CNTNAP2: variants seen among roughly 807,000 people sequenced by gnomAD.
The protein encoded by CNTNAP2 is contactin associated protein 2, also known as contactin-associated protein-like 2.
A neutral mutation model predicts 155.2 loss-of-function variants in CNTNAP2; 98 were observed. That is an observed-to-expected ratio of 0.63 (90% confidence interval 0.54 to 0.75). The LOEUF is 0.75. CNTNAP2 is among the 30% of genes least tolerant of loss of function. The pLI is 0.00. For missense variants in CNTNAP2, 1,727 were observed against 1,688.1 expected, an observed-to-expected ratio of 1.02 and a Z score of -0.40; for synonymous variants, 651 against 631.2, an observed-to-expected ratio of 1.03 and a Z score of -0.47.
At chr7:146,262,327 A>G (rs1799930433) in intron 1 of CNTNAP2, among the ~76,000 whole-genome samples, 1 of 152,064 alleles carries the variant, frequency 6.6e-6, no homozygotes, top group South Asian at 2.1e-4. Flanking sequence ...GCCCCCCTCA[A>G]TTGCACGTTA....
intron 1 of CNTNAP2, among the ~76,000 whole-genome samples, chr7:146,568,119 A>ATT (rs1225270287): frequency 2.0e-5 from 3 of 152,184 alleles, no homozygotes; most frequent in Non-Finnish European, 1.5e-5. Context: ...AGGTGATTGG[A>ATT]TAGATCCACC....
intron 9 of CNTNAP2, among the ~76,000 whole-genome samples, chr7:147,384,768 T>A (rs975132058): frequency 4.6e-5 from 7 of 152,174 alleles, no homozygotes; most frequent in Non-Finnish European, 8.8e-5. Flanking sequence ...ATACAAATAG[T>A]TTTTATTTTG....
chr7:146,924,177 C>T (rs1414499139), intron 3 of CNTNAP2, among the ~76,000 whole-genome samples: 1 of 152,086 alleles, frequency 6.6e-6, no homozygotes, highest in Non-Finnish European at 1.5e-5. Flanking sequence ...GACACTCAGG[C>T]CTTGTCAGGT....
chr7:147,732,262 C>A (rs1796755857), intron 13 of CNTNAP2, among the ~76,000 whole-genome samples: 1 of 141,444 alleles, frequency 7.1e-6, no homozygotes, highest in Non-Finnish European at 1.5e-5. Context: ...TGTTCAATTC[C>A]CACCTATAAA....
chr7:146,846,835 T>C (rs1803850614), intron 3 of CNTNAP2, among the ~76,000 whole-genome samples: 1 of 152,302 alleles, frequency 6.6e-6, no homozygotes, highest in African/African-American at 2.4e-5. Context: ...TCTTACAGGC[T>C]GTAAAATAAC....
At chr7:148,128,929 C>G (rs1804769718) in intron 16 of CNTNAP2, among the ~76,000 whole-genome samples, 1 of 152,196 alleles carries the variant, frequency 6.6e-6, no homozygotes, top group Non-Finnish European at 1.5e-5. Context: ...TAACCGCAGT[C>G]TCTCCACATC....
intron 2 of CNTNAP2, among the ~76,000 whole-genome samples, chr7:146,825,348 G>T (rs1410318483): frequency 6.6e-6 from 1 of 152,072 alleles, no homozygotes; most frequent in African/African-American, 2.4e-5. Context: ...ATGAACTTGA[G>T]AACTGCATTC....
chr7:148,081,867 C>T (rs1311842095), intron 15 of CNTNAP2, among the ~76,000 whole-genome samples: 3 of 151,898 alleles, frequency 2.0e-5, no homozygotes, highest in Admixed American at 1.3e-4. Context: ...AGTGGGCTTG[C>T]GAGAGCAAGA....
At chr7:146,504,337 G>A (rs1047899084) in intron 1 of CNTNAP2, among the ~76,000 whole-genome samples, 6 of 152,172 alleles carry the variant, frequency 3.9e-5, no homozygotes, top group Admixed American at 3.9e-4. Flanking sequence ...CATGTCTATG[G>A]GGGGTCATCA....
At chr7:148,242,630 A>G (rs1796180079) in intron 20 of CNTNAP2, among the ~76,000 whole-genome samples, 1 of 152,238 alleles carries the variant, frequency 6.6e-6, no homozygotes, top group South Asian at 2.1e-4. Flanking sequence ...TATTACTTAT[A>G]GAAATGGAAG....
At chr7:147,735,660 T>C (rs532058628) in intron 13 of CNTNAP2, among the ~76,000 whole-genome samples, 1 of 152,292 alleles carries the variant, frequency 6.6e-6, no homozygotes, top group South Asian at 2.1e-4. Context: ...GGAGTCTAAG[T>C]CTCTTTGTAG....
At chr7:147,052,235 G>A (rs964405157) in intron 4 of CNTNAP2, among the ~76,000 whole-genome samples, 2 of 151,930 alleles carry the variant, frequency 1.3e-5, no homozygotes, top group African/African-American at 2.4e-5. Context: ...TATTTCCAAT[G>A]GAATATTTAA....
chr7:147,362,571 T>C (rs1796163771), intron 9 of CNTNAP2, among the ~76,000 whole-genome samples: 2 of 152,276 alleles, frequency 1.3e-5, no homozygotes, highest in African/African-American at 4.8e-5. Flanking sequence ...TATTGAGGCA[T>C]TTGTAGCTAT....
At chr7:146,755,914 A>C (rs1051024415) in intron 1 of CNTNAP2, among the ~76,000 whole-genome samples, 1 of 151,896 alleles carries the variant, frequency 6.6e-6, no homozygotes, top group Non-Finnish European at 1.5e-5. Context: ...ATCGTTGTCC[A>C]TTTTCTAAAA....
At chr7:147,058,575 C>A (rs1285245452) in intron 4 of CNTNAP2, among the ~76,000 whole-genome samples, 1 of 152,122 alleles carries the variant, frequency 6.6e-6, no homozygotes, top group Non-Finnish European at 1.5e-5. Flanking sequence ...TAGCTTCCAC[C>A]TCAAAGGGTT....
At chr7:146,944,727 A>C (rs193290816) in intron 3 of CNTNAP2, among the ~76,000 whole-genome samples, 177 of 152,140 alleles carry the variant, frequency 1.2e-3, no homozygotes, top group African/African-American at 3.3e-3. Context: ...AAATATAAAA[A>C]AATTGCTGGA....
chr7:148,124,588 G>A (rs1804673687), intron 16 of CNTNAP2, among the ~76,000 whole-genome samples: 1 of 152,260 alleles, frequency 6.6e-6, no homozygotes, highest in East Asian at 1.9e-4. Context: ...TCCTAGTGAA[G>A]GAGACAAACA....
In CNTNAP2 at chr7:147,216,534, C is replaced by T. The variant is rs547440543; in HGVS notation, c.1349-83607C>T. Among the ~76,000 whole-genome samples, 8 of 148,900 alleles carry T rather than the reference C, an allele frequency of 5.4e-5. No homozygotes were observed. The South Asian group carries it at 1.7e-3, about 32-fold the overall frequency. Reference sequence around the variant, plus strand: ...GTTCCATTTATCTATTTGCCTATTCCTTCACCAACACTAAACACTAAACTT... The same window carrying T: ...GTTCCATTTATCTATTTGCCTATTCTTTCACCAACACTAAACACTAAACTT... On this transcript the variant is annotated intron_variant, in intron 8 of 23. Coordinates refer to ENST00000361727, the MANE Select transcript of CNTNAP2 (RefSeq NM_014141.6).
chr7:147,486,147 C>A, intron 11 of CNTNAP2, 106 bp downstream of exon 11: 2 of 828,606 alleles, frequency 2.4e-6, no homozygotes, highest in Non-Finnish European at 3.9e-6. Flanking sequence ...TAATACATCA[C>A]TCGAATCTGA....
Sources: gnomAD v4.1 joint callset for allele counts (sites outside exome capture counted in the v4.1 genomes callset) on GRCh38, gnomAD v4.1.1 for gene constraint, MANE v1.5 for transcripts, NCBI Gene and HGNC (gene_info 2026-07-23, HGNC 2026-07-21) for gene names.